The following MYO18B variants were observed in gnomAD, a reference collection of about 807,000 sequenced individuals.
MYO18B encodes myosin XVIIIB.
In MYO18B, 204 loss-of-function variants were observed where a neutral mutation model predicts 273.0. That is an observed-to-expected ratio of 0.75 (90% confidence interval 0.67 to 0.84). MYO18B has a LOEUF of 0.84. MYO18B is among the 40% of genes least tolerant of loss of function. The probability of loss-of-function intolerance (pLI) is 0.00; values close to 1 mark genes in which losing one functional copy is unlikely to be tolerated. For synonymous variants in MYO18B, 1,330 were observed against 1,305.7 expected, an observed-to-expected ratio of 1.02 and a Z score of -0.40; for missense variants, 3,212 against 3,287.6, an observed-to-expected ratio of 0.98 and a Z score of 0.56.
chr22:25,829,080 G>C (rs955278704), intron 15 of MYO18B, 112 bp downstream of exon 15: 2 of 1,219,460 alleles, frequency 1.6e-6, no homozygotes, highest in East Asian at 2.5e-5. Flanking sequence ...ACCCTGTTTG[G>C]TTCACCAGAG....
At chr22:26,054,438 T>C in the MYO18B span, among the ~76,000 whole-genome samples, 1 of 152,180 alleles carries the variant, frequency 6.6e-6, no homozygotes. Flanking sequence ...CTATGATTAA[T>C]TTGGATAAAC....
chr22:25,802,768 A>C (rs1361378312), intron 12 of MYO18B, among the ~76,000 whole-genome samples: 18 of 5,956 alleles, frequency 3.0e-3, no homozygotes, highest in Middle Eastern at 0.25. Context: ...AAAAAAAAAA[A>C]AAAAAAAACC....
rs150031211 is a variant in MYO18B at position 25,928,911 on chromosome 22, C to T, written c.5517+7502C>T. Among the ~76,000 whole-genome samples the T allele has an allele frequency of 2.0e-5, 3 of 152,264 alleles. No individual in the cohort carries two copies. In the East Asian group the frequency reaches 5.8e-4, roughly 29 times the overall value. On this transcript the variant is annotated intron_variant, in intron 34 of 43. Coordinates refer to ENST00000335473, the MANE Select transcript of MYO18B (RefSeq NM_032608.7). ...GCATGGTGGCTCATGCCTGTAATCC[C>T]AGCACTTTGGGAGGCCAAGGCGGGC...
intron 39 of MYO18B, among the ~76,000 whole-genome samples, chr22:25,969,920 A>G (rs2093018323): frequency 6.6e-6 from 1 of 152,190 alleles, no homozygotes; most frequent in Non-Finnish European, 1.5e-5. Context: ...GCCTATCATC[A>G]TCATCATAAT....
At chr22:26,004,982 G>A (rs1934308292) in intron 42 of MYO18B, 127 bp downstream of exon 42, 4 of 1,237,950 alleles carry the variant, frequency 3.2e-6, no homozygotes, top group Non-Finnish European at 4.5e-6. Flanking sequence ...TGAAAGTCTG[G>A]GGTATAACTC....
At chr22:25,898,692 G>C in intron 29 of MYO18B, 1 of 490,392 alleles carries the variant, frequency 2.0e-6, no homozygotes, top group East Asian at 3.5e-5. Flanking sequence ...TTGATCTTGT[G>C]ACCTTGGGGA....
At chr22:25,836,517 C>T (rs2089905540) in intron 17 of MYO18B, among the ~76,000 whole-genome samples, 1 of 152,142 alleles carries the variant, frequency 6.6e-6, no homozygotes, top group South Asian at 2.1e-4. Flanking sequence ...TTCTGTCCCA[C>T]ACTTGGAGAT....
intron 39 of MYO18B, among the ~76,000 whole-genome samples, chr22:25,967,408 G>C (rs1023692157): frequency 6.6e-6 from 1 of 152,142 alleles, no homozygotes; most frequent in Non-Finnish European, 1.5e-5. Flanking sequence ...TGGTCCCAAG[G>C]AAATCCAGGG....
chr22:25,945,721 C>CG (rs1457887708), intron 34 of MYO18B, among the ~76,000 whole-genome samples: 2 of 68,578 alleles, frequency 2.9e-5, no homozygotes, highest in African/African-American at 1.4e-4. Context: ...CGCCTCCCCT[C>CG]CCCTCCCCTC....
At chr22:25,847,155 G>A (rs1451590748) in intron 19 of MYO18B, among the ~76,000 whole-genome samples, 3 of 151,958 alleles carry the variant, frequency 2.0e-5, no homozygotes, top group Non-Finnish European at 4.4e-5. Context: ...CCCTTAGTCC[G>A]AGTCCTGAGT....
At chr22:25,750,420 G>A (rs976940310) in intron 1 of MYO18B, among the ~76,000 whole-genome samples, 3 of 152,148 alleles carry the variant, frequency 2.0e-5, no homozygotes, top group Non-Finnish European at 4.4e-5. Context: ...AGAGATGGAG[G>A]GGGAATCTGA....
rs1006013060 is a variant in MYO18B, at chr22:25,827,027, A to C, written c.2786+528A>C. ...CAGTGAGCCGAGATCGCGCCACCACACTCTAGCCTGGGTGACAGAGCGAGA... is the reference window on the plus strand; with the variant it reads ...CAGTGAGCCGAGATCGCGCCACCACCCTCTAGCCTGGGTGACAGAGCGAGA... On this transcript the variant is annotated intron_variant, in intron 14 of 43. Transcript: ENST00000335473. 4.6e-5 allele frequency among the ~76,000 whole-genome samples: 7 copies of C among 152,200 alleles called. No homozygotes were observed. The South Asian group carries it at 8.3e-4, about 18-fold the overall frequency.
intron 11 of MYO18B, among the ~76,000 whole-genome samples, chr22:25,796,954 G>A (rs546455853): frequency 3.0e-4 from 45 of 152,282 alleles, no homozygotes; most frequent in African/African-American, 7.9e-4. Flanking sequence ...TCCAGACGGC[G>A]TGGTGGCTCA....
chr22:25,801,067 G>A (rs5761207), intron 12 of MYO18B, among the ~76,000 whole-genome samples: 10,053 of 152,188 alleles, frequency 0.066, 579 homozygotes, highest in East Asian at 0.21. Context: ...TTTCAAAGTC[G>A]TACATAAATG....
chr22:26,050,291 G>A, the MYO18B span, among the ~76,000 whole-genome samples: 1 of 152,188 alleles, frequency 6.6e-6, no homozygotes, highest in Non-Finnish European at 1.5e-5. Context: ...CCGGAAGTAT[G>A]TCGTGCAGGG....
intron 39 of MYO18B, among the ~76,000 whole-genome samples, chr22:25,988,487 T>G (rs911788406): frequency 6.6e-6 from 1 of 152,162 alleles, no homozygotes; most frequent in Non-Finnish European, 1.5e-5. Flanking sequence ...TTGGTCCACA[T>G]ACTCTGGCCT....
intron 39 of MYO18B, among the ~76,000 whole-genome samples, chr22:25,978,355 A>G (rs558913047): frequency 1.3e-4 from 20 of 152,266 alleles, no homozygotes; most frequent in African/African-American, 4.3e-4. Context: ...AGATGGAGCA[A>G]TGGTAGGTTC....
chr22:25,911,003 C>T lies in MYO18B; in HGVS notation c.5317C>T (p.His1773Tyr), dbSNP rs1170287448. The change falls in exon 33 of 44, where the codon CAT becomes TAT. Residue 1773 changes from histidine (H) to tyrosine (Y), a missense_variant. His to Tyr is a moderately conservative substitution (Grantham distance 83, BLOSUM62 2). Transcript: ENST00000335473. ...QEYEEKQMVL[H>Y]EKQDLEGLIG... is the part of the protein sequence containing the mutation. The stretch of plus-strand genomic sequence containing the variant: ...GTATGAAGAGAAGCAGATGGTCCTC[C>T]ATGAGAAGCAAGATTTGGAAGGCTT... 3 of 1,606,184 alleles carry T rather than the reference C, an allele frequency of 1.9e-6. No individual in the cohort carries two copies. The highest frequency in any genetic ancestry group is 1.7e-5 in the Admixed American group (1 of 59,126).
At chr22:25,997,787 C>A (rs946137111) in intron 40 of MYO18B, among the ~76,000 whole-genome samples, 5 of 152,176 alleles carry the variant, frequency 3.3e-5, no homozygotes, top group African/African-American at 1.2e-4. Flanking sequence ...TCTCCACTTG[C>A]TAACAGCTCC....
Sources: gnomAD v4.1 joint callset for allele counts (sites outside exome capture counted in the v4.1 genomes callset) on GRCh38, gnomAD v4.1.1 for gene constraint, MANE v1.5 for transcripts, NCBI Gene and HGNC (gene_info 2026-07-23, HGNC 2026-07-21) for gene names.